Variants in MAPKAP1 observed in about 807,000 individuals in gnomAD.
MAPKAP1 encodes the protein MAPK associated protein 1, also known as target of rapamycin complex 2 subunit MAPKAP1.
A neutral mutation model predicts 65.7 loss-of-function variants in MAPKAP1; 20 were observed. The ratio of observed to expected loss-of-function variants is 0.30; its 90% CI spans 0.21 to 0.44. MAPKAP1 has a LOEUF of 0.44. MAPKAP1 is among the 20% of genes least tolerant of loss of function. MAPKAP1 has a pLI of 1.00. For synonymous variants in MAPKAP1, 222 were observed against 244.3 expected (o/e 0.91, Z 0.85); for missense variants, 423 against 648.0 (o/e 0.65, Z 3.77).
intron 10 of MAPKAP1, among the ~76,000 whole-genome samples, chr9:125,462,124 G>A (rs775565305): frequency 1.1e-4 from 16 of 152,212 alleles, no homozygotes; most frequent in Admixed American, 1.0e-3. Context: ...AAGCAAGAGC[G>A]CACATGCGTG....
At chr9:125,592,491 A>G (rs1357166832) in intron 4 of MAPKAP1, among the ~76,000 whole-genome samples, 2 of 152,234 alleles carry the variant, frequency 1.3e-5, no homozygotes, top group Non-Finnish European at 2.9e-5. Flanking sequence ...TATAAACTAA[A>G]AAGGAGATAA....
In MAPKAP1 at chr9:125,593,622, AC is replaced by A. The variant is rs80313747; in HGVS notation, c.499-7896del. Reference sequence around the variant, plus strand: ...GGTTGCAGTGAGTAGAGATCATGCCACTGCACTTCTGCCTGGGACAGAGCGA... The same window carrying A: ...GGTTGCAGTGAGTAGAGATCATGCCATGCACTTCTGCCTGGGACAGAGCGA... On this transcript the variant is annotated intron_variant, in intron 4 of 11. Coordinates refer to ENST00000265960, the MANE Select transcript of MAPKAP1 (RefSeq NM_001006617.3). Among the ~76,000 whole-genome samples, 2,087 of 152,280 alleles carry A rather than the reference AC, an allele frequency of 0.014. 113 individuals are homozygous for A. In the East Asian group the frequency reaches 0.19, roughly 14 times the overall value.
At chr9:125,500,488 G>A (rs1026743236) in intron 8 of MAPKAP1, among the ~76,000 whole-genome samples, 3 of 152,044 alleles carry the variant, frequency 2.0e-5, no homozygotes, top group African/African-American at 4.8e-5. Context: ...CCATCACGCC[G>A]GCCCCCATTT....
At chr9:125,618,605 A>G (rs1294117690) in intron 4 of MAPKAP1, among the ~76,000 whole-genome samples, 2 of 152,166 alleles carry the variant, frequency 1.3e-5, no homozygotes, top group Admixed American at 1.3e-4. Context: ...TTCAGAATGG[A>G]AGAAAAAAGA....
chr9:125,503,232 A>G (rs1190566703), intron 8 of MAPKAP1, among the ~76,000 whole-genome samples: 5 of 152,190 alleles, frequency 3.3e-5, no homozygotes, highest in Non-Finnish European at 1.5e-5. Flanking sequence ...CTGGGTTTAA[A>G]TCTATTATCT....
At chr9:125,477,382 G>C (rs1373461307) in intron 9 of MAPKAP1, among the ~76,000 whole-genome samples, 1 of 152,178 alleles carries the variant, frequency 6.6e-6, no homozygotes, top group East Asian at 1.9e-4. Flanking sequence ...GACCTGCCCA[G>C]TCAGTAAAAA....
intron 6 of MAPKAP1, among the ~76,000 whole-genome samples, chr9:125,553,363 G>A (rs1252435969): frequency 2.6e-5 from 4 of 151,882 alleles, no homozygotes; most frequent in African/African-American, 4.8e-5. Flanking sequence ...CCAACATGGC[G>A]AAAACCCATC....
At chr9:125,568,388 G>A (rs189513821) in intron 5 of MAPKAP1, among the ~76,000 whole-genome samples, 179 of 152,278 alleles carry the variant, frequency 1.2e-3, no homozygotes, top group Middle Eastern at 0.01. Flanking sequence ...GAGCTGATGG[G>A]ACTGCTAGAA....
At chr9:125,615,935 G>T (rs1304700414) in intron 4 of MAPKAP1, among the ~76,000 whole-genome samples, 1 of 149,412 alleles carries the variant, frequency 6.7e-6, no homozygotes, top group Non-Finnish European at 1.5e-5. Flanking sequence ...AAAAAGAAAA[G>T]AAAAGAGAAA....
intron 7 of MAPKAP1, among the ~76,000 whole-genome samples, chr9:125,523,817 G>A (rs1426387577): frequency 6.6e-6 from 1 of 152,098 alleles, no homozygotes; most frequent in Admixed American, 6.5e-5. Context: ...CTGCTTCCCT[G>A]GTCCTTGCTG....
chr9:125,636,809 A>G (rs1428819858), intron 4 of MAPKAP1, among the ~76,000 whole-genome samples: 2 of 152,218 alleles, frequency 1.3e-5, no homozygotes, highest in Non-Finnish European at 2.9e-5. Context: ...CTAACTTCTT[A>G]CTCATGGTCA....
At position 125,586,126 on chromosome 9, in the gene MAPKAP1, T is replaced by C. The variant is rs533857772; in HGVS notation, c.499-399A>G. Among the ~76,000 whole-genome samples, 3 of 152,276 alleles carry C rather than the reference T, an allele frequency of 2.0e-5. No homozygotes were observed. In the South Asian group the frequency reaches 6.2e-4, roughly 32 times the overall value. ...CAATGAGATGAGCTGCCTGGGAAGC[T>C]GTCATACTCTCCCAGGAAGGATTTA... is the stretch of plus-strand genomic sequence containing the variant. On this transcript the variant is annotated intron_variant, in intron 4 of 11. Transcript: ENST00000265960.
intron 1 of MAPKAP1, among the ~76,000 whole-genome samples, chr9:125,688,697 C>CA (rs764944147): frequency 7.2e-5 from 11 of 151,878 alleles, no homozygotes; most frequent in South Asian, 4.2e-4. Context: ...CCCATCTCTA[C>CA]AAAAAAATAC....
At chr9:125,556,532 T>C (rs1564556666) in intron 6 of MAPKAP1, among the ~76,000 whole-genome samples, 2 of 152,220 alleles carry the variant, frequency 1.3e-5, no homozygotes, top group East Asian at 1.9e-4. Context: ...TTAAGTGAGA[T>C]AGCATATGCA....
At position 125,447,450 on chromosome 9, in the gene MAPKAP1, C is replaced by T. The variant is rs1197568706; in HGVS notation, c.1346-2852G>A. The T allele has an allele frequency of 8.8e-6, 4 of 456,668 alleles. No individual in the cohort carries two copies. The Admixed American group carries it at 9.4e-5, about 11-fold the overall frequency. 28.3% of individuals were successfully genotyped at this position (456,668 alleles called of 1,614,324 possible). A position where few individuals can be genotyped will look rare whatever the true frequency, so the allele number is the denominator to read the frequency against. ...CACGGTGGACAGCCACAGCAGACAG[C>T]CCCCTCTTGCTCTCTGCAAGGAGTG... is the stretch of plus-strand genomic sequence containing the variant. On this transcript the variant is annotated intron_variant, in intron 10 of 11. Transcript: ENST00000265960. This position sits in a 1 kb window ranked among gnomAD's most constrained non-coding sequence, Gnocchi z 4.5.
At chr9:125,674,493 C>G (rs1468687447) in intron 1 of MAPKAP1, among the ~76,000 whole-genome samples, 1 of 152,212 alleles carries the variant, frequency 6.6e-6, no homozygotes, top group Non-Finnish European at 1.5e-5. Flanking sequence ...TTTCCAGGAA[C>G]AGTCCTAGAA....
rs1218902857 is a variant in MAPKAP1 at position 125,595,134 on chromosome 9, TAA to T, written c.499-9409_499-9408del. On this transcript the variant is annotated intron_variant, in intron 4 of 11. Coordinates refer to ENST00000265960, the MANE Select transcript of MAPKAP1 (RefSeq NM_001006617.3). The surrounding 1 kb of genome is among the most constrained non-coding windows in gnomAD (Gnocchi z 4.0). ...TATTCCATTATTATAAATAATCTCA[TAA>T]ACATTTTCCTATATAAATGTGAAAA... Among the ~76,000 whole-genome samples the T allele has an allele frequency of 6.6e-6, 1 of 152,252 alleles. No homozygotes were observed. The highest frequency in any genetic ancestry group is 1.5e-5 in the Non-Finnish European group (1 of 68,036).
chr9:125,478,143 G>A (rs1286354515), intron 9 of MAPKAP1: 4 of 152,104 alleles, frequency 2.6e-5, no homozygotes, highest in African/African-American at 4.8e-5. Context: ...GGTTAGGTCC[G>A]GGCCCAGAGG....
intron 11 of MAPKAP1, among the ~76,000 whole-genome samples, chr9:125,441,883 T>C (rs1192677700): frequency 4.6e-5 from 7 of 152,112 alleles, no homozygotes; most frequent in African/African-American, 1.7e-4. Context: ...ATCTCAGCAC[T>C]TTGGGAGGCT....
Sources: gnomAD v4.1 joint callset for allele counts (sites outside exome capture counted in the v4.1 genomes callset) on GRCh38, gnomAD v4.1.1 for gene constraint, Gnocchi (gnomAD v3.1) non-coding constraint, MANE v1.5 for transcripts, NCBI Gene and HGNC (gene_info 2026-07-23, HGNC 2026-07-21) for gene names.